SHCBP1L: variants seen among roughly 807,000 people sequenced by gnomAD.
SHCBP1L encodes testicular spindle-associated protein SHCBP1L.
SHCBP1L carries 67 observed loss-of-function variants against 62.5 expected under a neutral mutation model. The observed-to-expected ratio is 1.07, with a 90% CI of 0.88 to 1.31. The LOEUF is 1.31. Among genes scored for constraint, SHCBP1L ranks in the 40% most tolerant of loss-of-function variants. SHCBP1L has a pLI of 0.00. For missense variants in SHCBP1L, 823 were observed against 809.8 expected (o/e 1.02, Z -0.20); for synonymous variants, 284 against 289.4 (o/e 0.98, Z 0.19).
chr1:182,930,074 A>C (rs910423435), intron 5 of SHCBP1L, among the ~76,000 whole-genome samples: 2 of 152,214 alleles, frequency 1.3e-5, no homozygotes, highest in Non-Finnish European at 2.9e-5. Flanking sequence ...TACTTTCATA[A>C]TCCATTGAGT....
At chr1:182,930,375 G>T (rs1650928758) in intron 5 of SHCBP1L, among the ~76,000 whole-genome samples, 1 of 151,124 alleles carries the variant, frequency 6.6e-6, no homozygotes, top group South Asian at 2.1e-4. Context: ...CCAACAGAAA[G>T]TCAGATAAAA....
rs1650681367 is a variant in SHCBP1L, at chr1:182,924,952, A to AAGAAAGAAAGAAAGAAAGAAAG, written c.1182+4673_1182+4694dup. ...GAAGGAAGGAAGAAAGAAAGAAAGA[A>AAGAAAGAAAGAAAGAAAGAAAG]AGAAAGAAAGAAAGAAAGAAAGAAA... On this transcript the variant is annotated intron_variant, in intron 6 of 9. Coordinates refer to ENST00000367547, the MANE Select transcript of SHCBP1L (RefSeq NM_030933.4). Among the ~76,000 whole-genome samples, 2 of 137,162 alleles carry AAGAAAGAAAGAAAGAAAGAAAG rather than the reference A, an allele frequency of 1.5e-5. 1 individual carries two copies. The highest frequency in any genetic ancestry group is 3.1e-5 in the Non-Finnish European group (2 of 63,822). 90.0% of individuals were successfully genotyped at this position (137,162 alleles called of 152,430 possible).
intron 6 of SHCBP1L, among the ~76,000 whole-genome samples, chr1:182,912,386 T>C (rs1044958629): frequency 6.6e-6 from 1 of 152,340 alleles, no homozygotes; most frequent in East Asian, 1.9e-4. Context: ...CCAAGAGGAC[T>C]AGGTTCAGAG....
chr1:182,908,706 T>C (rs1202288709), intron 6 of SHCBP1L, among the ~76,000 whole-genome samples: 1 of 152,240 alleles, frequency 6.6e-6, no homozygotes, highest in African/African-American at 2.4e-5. Context: ...TCCTTATGTA[T>C]ATCTCTAGTT....
At chr1:182,946,310 C>T (rs1651564264) in intron 2 of SHCBP1L, among the ~76,000 whole-genome samples, 1 of 152,052 alleles carries the variant, frequency 6.6e-6, no homozygotes, top group African/African-American at 2.4e-5. Context: ...ACCTCTTCCC[C>T]CATCTCTCTT....
chr1:182,918,155 C>CACATATATATATACACATATAT (rs1650414702), intron 6 of SHCBP1L, among the ~76,000 whole-genome samples: 1 of 126,112 alleles, frequency 7.9e-6, no homozygotes, highest in Non-Finnish European at 1.6e-5. Flanking sequence ...CATATATATA[C>CACATATATATATACACATATAT]ACATATATAT....
chr1:182,949,746 A>G (rs1651686036), intron 2 of SHCBP1L, among the ~76,000 whole-genome samples: 1 of 152,090 alleles, frequency 6.6e-6, no homozygotes, highest in Non-Finnish European at 1.5e-5. Flanking sequence ...ATATTAACTA[A>G]TAGAGTCTTA....
chr1:182,913,735 A>G (rs1421407303), intron 6 of SHCBP1L, among the ~76,000 whole-genome samples: 1 of 152,226 alleles, frequency 6.6e-6, no homozygotes, highest in Non-Finnish European at 1.5e-5. Context: ...TAATACCAGC[A>G]CTTTGTGAGG....
At chr1:182,939,915 T>G (rs954254277) in intron 3 of SHCBP1L, among the ~76,000 whole-genome samples, 2 of 152,146 alleles carry the variant, frequency 1.3e-5, no homozygotes, top group Admixed American at 6.5e-5. Flanking sequence ...TGTTTGTGGA[T>G]AGCTTCCCTC....
rs200616364 is a variant in SHCBP1L, at chr1:182,924,707, A to AG, written c.1182+4939dup. 4.1e-3 allele frequency among the ~76,000 whole-genome samples: 153 copies of AG among 37,382 alleles called. 5 individuals carry two copies. Among genetic ancestry groups the AG allele is most frequent in the Middle Eastern group, 0.023 (2 of 86 alleles). 24.5% of individuals were successfully genotyped at this position (37,382 alleles called of 152,430 possible). A position where few individuals can be genotyped will look rare whatever the true frequency, so the allele number is the denominator to read the frequency against. On this transcript the variant is annotated intron_variant, in intron 6 of 9. Transcript: ENST00000367547. ...AAAGGAAAGGAAAGGAAAGGAAGAA[A>AG]GAAAGAAAGAAAGAAAGAAAGAAAG...
At position 182,940,324 on chromosome 1, in the gene SHCBP1L, A is replaced by T; in HGVS notation, c.770+5T>A. On this transcript the variant is annotated splice_donor_5th_base_variant and intron_variant, in intron 3 of 9. Coordinates refer to ENST00000367547, the MANE Select transcript of SHCBP1L (RefSeq NM_030933.4). ...TTTAATTTTCAAAAGTAAAGGCCCT[A>T]ATACCTGACAACTTCCAAGGCCAAA... The T allele has an allele frequency of 6.2e-7, 1 of 1,612,018 alleles. No individual in the cohort carries two copies. The highest frequency in any genetic ancestry group is 8.5e-7 in the Non-Finnish European group (1 of 1,178,642).
intron 6 of SHCBP1L, among the ~76,000 whole-genome samples, chr1:182,924,935 GAAGAAAGAAAGAAAGAAAGA>G (rs71127327): frequency 4.8e-5 from 3 of 62,380 alleles, no homozygotes; most frequent in African/African-American, 2.7e-4. Flanking sequence ...AGGAAGGAAG[GAAGAAAGAAAGAAAGAAAGA>G]AAGAAAGAAA....
rs183004926 is a variant in SHCBP1L at position 182,903,741 on chromosome 1, C to T, written c.1587+439G>A. Among the ~76,000 whole-genome samples the T allele has an allele frequency of 5.3e-5, 8 of 152,188 alleles. No homozygotes were observed. The South Asian group carries it at 6.2e-4, about 12-fold the overall frequency. On this transcript the variant is annotated intron_variant, in intron 8 of 9. Transcript: ENST00000367547. ...CAAACTTCAGCTCAAGTGATCCTCC[C>T]GTCTCAGCTCCTAAAGTGCTGGGAT...
chr1:182,909,193 A>G (rs1650104243), intron 6 of SHCBP1L, among the ~76,000 whole-genome samples: 1 of 152,190 alleles, frequency 6.6e-6, no homozygotes, highest in South Asian at 2.1e-4. Context: ...GAGGAAGACG[A>G]TGAGTTTAAT....
chr1:182,945,876 A>T (rs886994921), intron 2 of SHCBP1L, among the ~76,000 whole-genome samples: 1 of 152,116 alleles, frequency 6.6e-6, no homozygotes, highest in African/African-American at 2.4e-5. Flanking sequence ...CCTGGTAAAC[A>T]TAGTGAAACC....
Position 182,951,391 on chromosome 1 carries a change from C to T in SHCBP1L, c.482G>A (p.Trp161Ter). Reference protein sequence around the residue: ...LKLKDKWLGVWKTNPSVFFVK... With the variant: ...LKLKDKWLGV ...AAAGAATACACTGGGATTAGTCTTC[C>T]AGACTCCAAGCCATTTGTCTTTCAA... The change falls in exon 2 of 10, where the codon TGG (tryptophan) becomes TAG (stop). Residue 161 changes from tryptophan (W) to a stop codon, truncating the protein, a stop_gained. Coordinates refer to ENST00000367547, the MANE Select transcript of SHCBP1L (RefSeq NM_030933.4). LOFTEE classifies it high-confidence loss of function. 1.2e-6 allele frequency: 2 copies of T among 1,609,870 alleles called. No homozygotes were observed. Among genetic ancestry groups the T allele is most frequent in the South Asian group, 2.2e-5 (2 of 90,338 alleles).
Position 182,952,966 on chromosome 1 carries a change from C to A in SHCBP1L, c.168G>T (p.Pro56=), listed in dbSNP as rs1191205485. 4.5e-6 allele frequency: 7 copies of A among 1,545,094 alleles called. No homozygotes were observed. Among genetic ancestry groups the A allele is most frequent in the Non-Finnish European group, 6.1e-6 (7 of 1,148,084 alleles). Residue 56 remains proline, a synonymous_variant, in exon 1 of 10, where the codon CCG becomes CCT. Transcript: ENST00000367547. ...TCTCCCGGCCCGCTTTCCCCTTCAC[C>A]GGGCGAGGGGAGGCCACCACCGACC... ...PVRSVVASPR[P]VKGKAGRETA...
intron 1 of SHCBP1L, 24 bp from the exon 2 acceptor site, chr1:182,951,491 A>G (rs1167802971): frequency 4.1e-6 from 6 of 1,470,624 alleles, no homozygotes; most frequent in Non-Finnish European, 4.5e-6. Flanking sequence ...AAATGGATCT[A>G]CATATAAATA....
rs1024659138 is a variant in SHCBP1L at position 182,952,920 on chromosome 1, G to A, written c.214C>T (p.Arg72Cys). 2 of 1,562,706 alleles carry A rather than the reference G, an allele frequency of 1.3e-6. No individual in the cohort carries two copies. Among genetic ancestry groups the A allele is most frequent in the Non-Finnish European group, 1.7e-6 (2 of 1,155,206 alleles). The change falls in exon 1 of 10, where the codon CGC becomes TGC. Residue 72 changes from arginine to cysteine, a missense_variant. Physicochemically the swap from Arg to Cys is radical, Grantham distance 180. Transcript: ENST00000367547. ...TCCTCGGCCTGAGCCGCGGGCAGGC[G>A]CTGGAGCCGCAGCCTGGCCGTCTCC... Reference protein sequence around the residue: ...GRETARLRLQRLPAAQAEDTG... With the variant: ...GRETARLRLQCLPAAQAEDTG...
Sources: gnomAD v4.1 joint callset for allele counts (sites outside exome capture counted in the v4.1 genomes callset) on GRCh38, gnomAD v4.1.1 for gene constraint, MANE v1.5 for transcripts, NCBI Gene and HGNC (gene_info 2026-07-23, HGNC 2026-07-21) for gene names.